ATP7B: variants seen among roughly 807,000 people sequenced by gnomAD.
ATP7B encodes ATPase copper transporting beta.
ATP7B carries 113 observed loss-of-function variants against 118.9 expected under a neutral mutation model. The observed-to-expected ratio is 0.95, with a 90% CI of 0.82 to 1.11. The LOEUF (loss-of-function observed/expected upper bound fraction) is 1.11. Ranked by LOEUF, ATP7B falls within the 50% of genes most tolerant of loss-of-function variation. ATP7B has a pLI of 0.00. For missense variants in ATP7B, 1,867 were observed against 1,871.4 expected (o/e 1.00, Z 0.04); for synonymous variants, 777 against 727.4 (o/e 1.07, Z -1.10).
intron 1 of ATP7B, among the ~76,000 whole-genome samples, chr13:51,976,183 A>G (rs974003258): frequency 6.6e-6 from 1 of 152,236 alleles, no homozygotes; most frequent in Non-Finnish European, 1.5e-5. Flanking sequence ...ATTTGGGAAC[A>G]GGCCTTTATA....
intron 15 of ATP7B, 146 bp from the exon 16 acceptor site, chr13:51,941,370 A>T: frequency 1.1e-6 from 1 of 904,712 alleles, no homozygotes; most frequent in Non-Finnish European, 1.7e-6. Flanking sequence ...AGCATCCTTT[A>T]GGACAAAAAA....
At chr13:51,972,516 A>G (rs1006454618) in intron 2 of ATP7B, among the ~76,000 whole-genome samples, 2 of 151,874 alleles carry the variant, frequency 1.3e-5, no homozygotes, top group Non-Finnish European at 1.5e-5. Flanking sequence ...CCTTTCCTCC[A>G]TGGCCCTCCC....
chr13:51,967,010 C>A (rs1471948279), intron 4 of ATP7B: 2 of 1,612,598 alleles, frequency 1.2e-6, no homozygotes, highest in African/African-American at 2.7e-5. Context: ...TGCAACTTTA[C>A]AGATGGTGCA....
chr13:51,996,492 G>C (rs142487229), intron 1 of ATP7B, among the ~76,000 whole-genome samples: 44 of 152,318 alleles, frequency 2.9e-4, no homozygotes, highest in Admixed American at 3.9e-4. Context: ...TGCTGCAAGT[G>C]AGTGTGGAAT....
At position 51,942,444 on chromosome 13, in the gene ATP7B, GCGCT is replaced by G. The variant is rs1555285830; in HGVS notation, c.3350_3353del (p.Glu1117AlafsTer3). On this transcript the variant is annotated frameshift_variant, in exon 15 of 21. Coordinates refer to ENST00000242839, the MANE Select transcript of ATP7B (RefSeq NM_000053.4). LOFTEE classifies it high-confidence loss of function. ...GGTGACTGGCCGGTGCACTCAAAGG[GCGCT>G]CACTGTGGGCCAGGATGCCTTCCAC... 1.9e-6 allele frequency: 3 copies of G among 1,614,108 alleles called. No individual in the cohort carries two copies. Among genetic ancestry groups the G allele is most frequent in the Non-Finnish European group, 2.5e-6 (3 of 1,180,050 alleles).
At chr13:51,952,399 C>T (rs890251114) in intron 9 of ATP7B, among the ~76,000 whole-genome samples, 4 of 152,356 alleles carry the variant, frequency 2.6e-5, no homozygotes, top group African/African-American at 9.6e-5. Flanking sequence ...TTACACCTTG[C>T]TTTCATTCTA....
At chr13:51,951,981 C>T (rs1958036132) in intron 9 of ATP7B, among the ~76,000 whole-genome samples, 1 of 152,194 alleles carries the variant, frequency 6.6e-6, no homozygotes, top group South Asian at 2.1e-4. Flanking sequence ...CTGGTAAAGG[C>T]AGAGGCTCAA....
intron 2 of ATP7B, among the ~76,000 whole-genome samples, chr13:51,972,647 C>T (rs1267372229): frequency 6.6e-6 from 1 of 152,180 alleles, no homozygotes; most frequent in Non-Finnish European, 1.5e-5. Flanking sequence ...GGACACTGTA[C>T]TGTGACACCA....
At chr13:51,962,570 G>C (rs772755615) in intron 5 of ATP7B, among the ~76,000 whole-genome samples, 35 of 152,178 alleles carry the variant, frequency 2.3e-4, no homozygotes, top group Non-Finnish European at 3.2e-4. Context: ...TCTGGTGCTG[G>C]GACTTTTACA....
intron 1 of ATP7B, among the ~76,000 whole-genome samples, chr13:51,995,116 A>T (rs1953139460): frequency 6.6e-6 from 1 of 152,194 alleles, no homozygotes; most frequent in Non-Finnish European, 1.5e-5. Context: ...TCTGAAAATA[A>T]AAAGCAACAA....
chr13:51,941,644 C>G (rs1957341270), intron 15 of ATP7B, among the ~76,000 whole-genome samples: 1 of 152,200 alleles, frequency 6.6e-6, no homozygotes, highest in African/African-American at 2.4e-5. Flanking sequence ...TCAGACACGT[C>G]TACATGAAAT....
chr13:51,963,133 G>C, intron 5 of ATP7B, among the ~76,000 whole-genome samples: 1 of 151,892 alleles, frequency 6.6e-6, no homozygotes, highest in Non-Finnish European at 1.5e-5. Context: ...TGGTGACTAA[G>C]TTGTGTTCAA....
chr13:51,991,418 C>T lies in ATP7B; in HGVS notation c.52-16250G>A, dbSNP rs150143035. Among the ~76,000 whole-genome samples, 278 of 151,726 alleles carry T rather than the reference C, an allele frequency of 1.8e-3. 2 individuals carry two copies. The highest frequency in any genetic ancestry group is 2.8e-3 in the Non-Finnish European group (188 of 67,922). ...CACTGATGGGAGGATCCCTTGAGCTCGGGAGGTGGAGGTTGCAGTGAGCCA... is the reference window on the plus strand; with the variant it reads ...CACTGATGGGAGGATCCCTTGAGCTTGGGAGGTGGAGGTTGCAGTGAGCCA... On this transcript the variant is annotated intron_variant, in intron 1 of 20. Transcript: ENST00000242839.
Position 51,974,809 on chromosome 13 carries a change from G to C in ATP7B, c.411C>G (p.Ser137=). ...TGACCACAGCCTCCTGGGCAGGCAA[G>C]GACCTTGAGGGCCAGGAGGCTGCCT... is the stretch of plus-strand genomic sequence containing the variant. ...EGKAASWPSR[S]LPAQEAVVKL... Residue 137 remains serine (S), a synonymous_variant, in exon 2 of 21, where the codon TCC becomes TCG. Coordinates refer to ENST00000242839, the MANE Select transcript of ATP7B (RefSeq NM_000053.4). 1 of 1,614,222 alleles carries C rather than the reference G, an allele frequency of 6.2e-7. No homozygotes were observed. The highest frequency in any genetic ancestry group is 8.5e-7 in the Non-Finnish European group (1 of 1,180,038).
chr13:51,959,849 T>G, intron 7 of ATP7B: 2 of 448,938 alleles, frequency 4.5e-6, no homozygotes, highest in Non-Finnish European at 4.1e-6. Context: ...GACACAGAGT[T>G]CACCACACCT....
At chr13:51,940,047 T>C (rs1342250736) in intron 16 of ATP7B, among the ~76,000 whole-genome samples, 4 of 145,028 alleles carry the variant, frequency 2.8e-5, no homozygotes, top group African/African-American at 7.7e-5. Flanking sequence ...AGTTACGCTC[T>C]TGTTGCCCAG....
In ATP7B at chr13:51,950,134, G is replaced by A. The variant is rs1352173434; in HGVS notation, c.2603C>T (p.Pro868Leu). The A allele has an allele frequency of 1.2e-6, 2 of 1,614,176 alleles. No individual in the cohort carries two copies. Among genetic ancestry groups the A allele is most frequent in the East Asian group, 2.2e-5 (1 of 44,886 alleles). The change falls in exon 11 of 21, where the codon CCC (proline) becomes CTC (leucine). Residue 868 changes from proline (P) to leucine (L), a missense_variant. Pro to Leu is a moderately conservative substitution (Grantham distance 98). Transcript: ENST00000242839. Reference sequence around the variant, plus strand: ...AGACCCCGCAATTACAGTGCTTCCGGGTTTCTTAGTGACTGGCATGGCTTC... The same window carrying A: ...AGACCCCGCAATTACAGTGCTTCCGAGTTTCTTAGTGACTGGCATGGCTTC... ...TGEAMPVTKK[P>L]GSTVIAGSIN...
At chr13:51,979,333 G>C (rs1420205783) in intron 1 of ATP7B, among the ~76,000 whole-genome samples, 1 of 152,214 alleles carries the variant, frequency 6.6e-6, no homozygotes, top group Non-Finnish European at 1.5e-5. Context: ...GCTTGTATAG[G>C]CATGGATTAT....
intron 1 of ATP7B, among the ~76,000 whole-genome samples, chr13:52,004,989 G>A (rs936731513): frequency 1.8e-4 from 27 of 152,320 alleles, no homozygotes; most frequent in African/African-American, 3.4e-4. Flanking sequence ...CACCTGAGCC[G>A]CACCTGGGGT....
Sources: allele counts gnomAD v4.1 joint callset (sites outside exome capture counted in the v4.1 genomes callset), GRCh38; gene constraint gnomAD v4.1.1; transcripts MANE v1.5; gene names NCBI Gene and HGNC (gene_info 2026-07-23, HGNC 2026-07-21).